Variants in SDR16C5 observed in about 807,000 individuals in gnomAD.
The protein encoded by SDR16C5 is epidermal retinol dehydrogenase 2.
In SDR16C5, 20 loss-of-function variants were observed where a neutral mutation model predicts 27.7. The ratio of observed to expected loss-of-function variants is 0.72; its 90% CI spans 0.51 to 1.05. The LOEUF is 1.05. Among genes scored for constraint, SDR16C5 ranks in the 50% least tolerant of loss-of-function variants. The pLI, the probability that SDR16C5 is intolerant of heterozygous loss-of-function variation, is 0.00. For missense variants in SDR16C5, 374 were observed against 366.3 expected (o/e 1.02, Z -0.17); for synonymous variants, 139 against 132.3 (o/e 1.05, Z -0.35).
At chr8:56,315,661 C>T (rs1055963926) in intron 2 of SDR16C5, among the ~76,000 whole-genome samples, 5 of 152,074 alleles carry the variant, frequency 3.3e-5, no homozygotes, top group Non-Finnish European at 7.4e-5. Flanking sequence ...ATGGTCCGTG[C>T]AGTGTAATGT....
In SDR16C5 at chr8:56,305,618, T is replaced by C. The variant is rs769153185; in HGVS notation, c.815A>G (p.Tyr272Cys). Reference protein sequence around the residue: ...KMYLYMPKLLYFMMFLKSFLP... With the variant: ...KMYLYMPKLLCFMMFLKSFLP... ...TTACCTTTTAAGAAACATCATGAAGTATAACAACTTTGGCATATACAAGTA... is the reference window on the plus strand; with the variant it reads ...TTACCTTTTAAGAAACATCATGAAGCATAACAACTTTGGCATATACAAGTA... Residue 272 changes from tyrosine (Y) to cysteine (C), a missense_variant, in exon 6 of 7, where the codon TAC becomes TGC. Coordinates refer to ENST00000303749, the MANE Select transcript of SDR16C5 (RefSeq NM_138969.4). 4.4e-6 allele frequency: 7 copies of C among 1,592,078 alleles called. No individual in the cohort carries two copies. The highest frequency in any genetic ancestry group is 6.0e-6 in the Non-Finnish European group (7 of 1,173,890).
chr8:56,309,205 T>C, intron 3 of SDR16C5, 178 bp from the exon 4 acceptor site: 2 of 739,800 alleles, frequency 2.7e-6, no homozygotes, highest in Non-Finnish European at 3.3e-6. Flanking sequence ...ATTTAACCTG[T>C]TAAATCAGTT....
chr8:56,301,563 G>T lies in SDR16C5; in HGVS notation c.847C>A (p.Leu283Ile), dbSNP rs772283392. 2 of 1,613,354 alleles carry T rather than the reference G, an allele frequency of 1.2e-6. No homozygotes were observed. The highest frequency in any genetic ancestry group is 2.2e-5 in the South Asian group (2 of 91,008). The change falls in exon 7 of 7, where the codon CTC becomes ATC. Residue 283 changes from leucine (L) to isoleucine (I), a missense_variant. Physicochemically the swap from Leu to Ile is conservative, Grantham distance 5 (BLOSUM62 2). Transcript: ENST00000303749. ...FMMFLKSFLP[L>I]KTGLLIADYL... Reference sequence around the variant, plus strand: ...TCAGCTATAAGCAGTCCTGTCTTGAGGGGCAAAAAGCTAAAGAGAACACAA... The same window carrying T: ...TCAGCTATAAGCAGTCCTGTCTTGATGGGCAAAAAGCTAAAGAGAACACAA...
At position 56,306,840 on chromosome 8, in the gene SDR16C5, A is replaced by G; in HGVS notation, c.566-20T>C. 1 of 1,603,104 alleles carries G rather than the reference A, an allele frequency of 6.2e-7. No homozygotes were observed. The highest frequency in any genetic ancestry group is 8.5e-7 in the Non-Finnish European group (1 of 1,176,644). On this transcript the variant is annotated intron_variant, in intron 4 of 6. Transcript: ENST00000303749. Reference sequence around the variant, plus strand: ...AGTAATCTGAAAAAGACAAAGCATGATAACGTATATTCCAAAGTTTTAAAA... The same window carrying G: ...AGTAATCTGAAAAAGACAAAGCATGGTAACGTATATTCCAAAGTTTTAAAA...
At chr8:56,310,945 C>T (rs917637573) in intron 3 of SDR16C5, among the ~76,000 whole-genome samples, 1 of 152,158 alleles carries the variant, frequency 6.6e-6, no homozygotes, top group African/African-American at 2.4e-5. Context: ...AAGAATAGCA[C>T]CAGCACCATT....
At chr8:56,310,109 GGAGGAGAAGGAA>G (rs1563440989) in intron 3 of SDR16C5, among the ~76,000 whole-genome samples, 1 of 131,624 alleles carries the variant, frequency 7.6e-6, no homozygotes, top group African/African-American at 2.9e-5. Flanking sequence ...GGAGGAAGGA[GGAGGAGAAGGAA>G]GGAGGAGGAG....
At chr8:56,315,423 T>C (rs1815164871) in intron 2 of SDR16C5, among the ~76,000 whole-genome samples, 1 of 152,152 alleles carries the variant, frequency 6.6e-6, no homozygotes, top group African/African-American at 2.4e-5. Flanking sequence ...ATTCTGATTG[T>C]CTTATGACTA....
intron 2 of SDR16C5, 132 bp downstream of exon 2, chr8:56,315,883 C>T: frequency 1.5e-6 from 1 of 666,296 alleles, no homozygotes; most frequent in Non-Finnish European, 2.7e-6. Flanking sequence ...ATTCAAAAAT[C>T]CCAATTCCCA....
intron 3 of SDR16C5, chr8:56,309,565 C>T: frequency 2.0e-6 from 2 of 985,110 alleles, no homozygotes; most frequent in Non-Finnish European, 2.4e-6. Context: ...TGTCCAACAC[C>T]TTCACCCTTG....
chr8:56,312,707 A>T (rs1046192600), intron 2 of SDR16C5, among the ~76,000 whole-genome samples: 14 of 152,212 alleles, frequency 9.2e-5, no homozygotes, highest in South Asian at 2.1e-4. Flanking sequence ...TGCATCTAAA[A>T]AAATAAATAA....
At position 56,312,220 on chromosome 8, in the gene SDR16C5, G is replaced by T. The variant is rs776663561; in HGVS notation, c.402C>A (p.Phe134Leu). Residue 134 changes from phenylalanine to leucine, a missense_variant, in exon 3 of 7, where the codon TTC (phenylalanine) becomes TTA (leucine). Physicochemically the swap from Phe to Leu is conservative, Grantham distance 22. Coordinates refer to ENST00000303749, the MANE Select transcript of SDR16C5 (RefSeq NM_138969.4). Reference protein sequence around the residue: ...NNAGIVTGKKFLDCPDELMEK... With the variant: ...NNAGIVTGKKLLDCPDELMEK... ...CCATAAGCTCATCTGGACAGTCAAGGAACTTTTTGCCTGTTACGATTCCGG... is the reference window on the plus strand; with the variant it reads ...CCATAAGCTCATCTGGACAGTCAAGTAACTTTTTGCCTGTTACGATTCCGG... The T allele has an allele frequency of 6.2e-7, 1 of 1,612,318 alleles. No individual in the cohort carries two copies. Among genetic ancestry groups the T allele is most frequent in the South Asian group, 1.1e-5 (1 of 91,032 alleles).
chr8:56,309,328 T>C, intron 3 of SDR16C5: 1 of 985,440 alleles, frequency 1.0e-6, no homozygotes. Context: ...TAAATCTTTG[T>C]TGTGGCAGCC....
At chr8:56,314,778 TA>T (rs1303262460) in intron 2 of SDR16C5, among the ~76,000 whole-genome samples, 1 of 152,198 alleles carries the variant, frequency 6.6e-6, no homozygotes, top group Non-Finnish European at 1.5e-5. Context: ...CTGCAAACCT[TA>T]GCAAGGAAAT....
intron 1 of SDR16C5, among the ~76,000 whole-genome samples, chr8:56,318,064 C>T (rs1382020220): frequency 6.6e-6 from 1 of 152,126 alleles, no homozygotes; most frequent in African/African-American, 2.4e-5. Flanking sequence ...GAGGAAGCAA[C>T]AGATGTCTGC....
intron 5 of SDR16C5, 120 bp downstream of exon 5, chr8:56,306,556 T>C (rs1814886942): frequency 1.1e-6 from 1 of 951,010 alleles, no homozygotes; most frequent in South Asian, 1.9e-5. Context: ...TCTAAAACCA[T>C]TTATAAATCA....
chr8:56,309,261 T>C (rs532147476), intron 3 of SDR16C5: 4 of 937,932 alleles, frequency 4.3e-6, no homozygotes, highest in Non-Finnish European at 5.1e-6. Flanking sequence ...TTCAGACTTA[T>C]GTTTTTGCTC....
Position 56,316,042 on chromosome 8 carries a change from C to T in SDR16C5, c.306G>A (p.Lys102=), listed in dbSNP as rs1563444256. Residue 102 remains lysine, a synonymous_variant, in exon 2 of 7, where the codon AAG becomes AAA. Transcript: ENST00000303749. ...VHAYTCDCSQ[K]EGVYRVADQV... ...GGTCGGCTACTCTATACACTCCTTC[C>T]TTTTGGCTGCAATCGCAGGTATAGG... 4 of 1,614,024 alleles carry T rather than the reference C, an allele frequency of 2.5e-6. No individual in the cohort carries two copies. In the South Asian group the frequency reaches 3.3e-5, roughly 13 times the overall value.
rs375876327 is a variant in SDR16C5 at position 56,304,004 on chromosome 8, C to T, written c.836+1593G>A. ...ATAGTGGGATCGTAAGCCTGAATTT[C>T]GAATTGCTTGTCCAGGATCCTTTGC... On this transcript the variant is annotated intron_variant, in intron 6 of 6. Coordinates refer to ENST00000303749, the MANE Select transcript of SDR16C5 (RefSeq NM_138969.4). 1.0e-4 allele frequency: 70 copies of T among 702,830 alleles called. 1 individual carries two copies. Among genetic ancestry groups the T allele is most frequent in the Middle Eastern group, 9.1e-4 (4 of 4,390 alleles). The allele number at this position is 702,830 out of a possible 1,614,324, so 43.5% of individuals were successfully genotyped here. A position where few individuals can be genotyped will look rare whatever the true frequency, so the allele number is the denominator to read the frequency against.
rs776189931 is a variant in SDR16C5, at chr8:56,316,240, C to T, written c.108G>A (p.Lys36=). ...TGAGGACTATTTCACCAGCAACGTT[C>T]TTCCGTGGCTTTGGGAGTAAGGCAA... The part of the protein sequence containing the change: ...MIFALLPKPR[K]NVAGEIVLIT... The change falls in exon 2 of 7, where the codon AAG becomes AAA. Residue 36 remains lysine, a synonymous_variant. Transcript: ENST00000303749. 5.0e-6 allele frequency: 8 copies of T among 1,613,880 alleles called. No individual in the cohort carries two copies. Among genetic ancestry groups the T allele is most frequent in the Non-Finnish European group, 6.8e-6 (8 of 1,179,844 alleles).
Sources: gnomAD v4.1 joint callset for allele counts (sites outside exome capture counted in the v4.1 genomes callset) on GRCh38, gnomAD v4.1.1 for gene constraint, MANE v1.5 for transcripts, NCBI Gene and HGNC (gene_info 2026-07-23, HGNC 2026-07-21) for gene names.